Variants in MYH6 observed in about 807,000 individuals in gnomAD.
MYH6 encodes the protein myosin-6.
A neutral mutation model predicts 223.2 loss-of-function variants in MYH6; 126 were observed. The ratio of observed to expected loss-of-function variants is 0.56; its 90% CI spans 0.49 to 0.65. The LOEUF (loss-of-function observed/expected upper bound fraction) is 0.65, where lower values mean the gene tolerates loss of function less well. Among genes scored for constraint, MYH6 ranks in the 30% least tolerant of loss-of-function variants. MYH6 has a pLI of 0.00. For synonymous variants in MYH6, 978 were observed against 1,010.2 expected, an observed-to-expected ratio of 0.97 and a Z score of 0.61; for missense variants, 2,040 against 2,536.4, an observed-to-expected ratio of 0.80 and a Z score of 4.20.
intron 3 of MYH6, among the ~76,000 whole-genome samples, chr14:23,406,383 G>C (rs1209977765): frequency 6.6e-6 from 1 of 152,196 alleles, no homozygotes; most frequent in South Asian, 2.1e-4. Context: ...GTGACTAGCG[G>C]GTGGCAGAGC....
chr14:23,383,341 G>GGGCCGCCCCCCCCCC, intron 36 of MYH6, 21 bp from the exon 37 acceptor site: 1 of 556,582 alleles, frequency 1.8e-6, no homozygotes, highest in Non-Finnish European at 3.3e-6. Context: ...GAGGGTGGGA[G>GGGCCGCCCCCCCCCC]AAGCTGGTTT....
In MYH6 at chr14:23,405,692, T is replaced by C; in HGVS notation, c.280A>G (p.Thr94Ala). ...FDKIEDMAMLTFLHEPAVLFN... is the reference protein window; with the variant it reads ...FDKIEDMAMLAFLHEPAVLFN... ...AGCACCGCGGGCTCGTGCAGGAAGG[T>C]CAGCATGGCCATGTCCTCAATCTTG... The change falls in exon 4 of 39, where the codon ACC becomes GCC. Residue 94 changes from threonine (T) to alanine (A), a missense_variant. Physicochemically the swap from Thr to Ala is moderately conservative, Grantham distance 58. Coordinates refer to ENST00000405093, the MANE Select transcript of MYH6 (RefSeq NM_002471.4). This position sits in a 1 kb window ranked among gnomAD's most constrained non-coding sequence, Gnocchi z 4.7. 1 of 1,614,062 alleles carries C rather than the reference T, an allele frequency of 6.2e-7. No individual in the cohort carries two copies. The highest frequency in any genetic ancestry group is 8.5e-7 in the Non-Finnish European group (1 of 1,179,992).
rs527824020 is a variant in MYH6 at position 23,394,336 on chromosome 14, C to T, written c.2430-13G>A. The T allele has an allele frequency of 1.7e-5, 27 of 1,614,130 alleles. No individual in the cohort carries two copies. Among genetic ancestry groups the T allele is most frequent in the African/African-American group, 2.7e-5 (2 of 75,048 alleles). ...CAGCAGGGCATCCCTGGCAAGGAAA[C>T]GTGGAGGCAGGGTGGGGCACTATAA... On this transcript the variant is annotated splice_polypyrimidine_tract_variant and intron_variant, in intron 20 of 38. Transcript: ENST00000405093.
At chr14:23,392,857 T>C (rs1471275745) in intron 24 of MYH6, 55 bp downstream of exon 24, 7 of 1,608,526 alleles carry the variant, frequency 4.4e-6, no homozygotes, top group African/African-American at 1.3e-5. Flanking sequence ...CCCTGCACTC[T>C]ATCTACCAGG....
At chr14:23,384,818 A>G in intron 35 of MYH6, 98 bp downstream of exon 35, 1 of 1,613,280 alleles carries the variant, frequency 6.2e-7, no homozygotes, top group South Asian at 1.1e-5. Flanking sequence ...AATCCACAGA[A>G]CTGCAGAGTT....
chr14:23,394,368 G>C, intron 20 of MYH6, 45 bp from the exon 21 acceptor site: 2 of 1,612,406 alleles, frequency 1.2e-6, no homozygotes, highest in Non-Finnish European at 1.7e-6. Context: ...ATAAAAGAGA[G>C]CTTCCCAATC....
chr14:23,400,291 T>C lies in MYH6; in HGVS notation c.1546A>G (p.Met516Val), dbSNP rs1437641740. The C allele has an allele frequency of 6.2e-7, 1 of 1,614,204 alleles. No homozygotes were observed. Among genetic ancestry groups the C allele is most frequent in the South Asian group, 1.1e-5 (1 of 91,082 alleles). The change falls in exon 14 of 39, where the codon ATG (methionine) becomes GTG (valine). Residue 516 changes from methionine to valine, a missense_variant. Physicochemically the swap from Met to Val is conservative, Grantham distance 21. This residue lies in a region of MYH6 where 649 missense variants were observed against 877.3 expected (regional missense o/e 0.74). Coordinates refer to ENST00000405093, the MANE Select transcript of MYH6 (RefSeq NM_002471.4). ...GIEWTFIDFG[M>V]DLQACIDLIE... ...AGGTCAATGCAGGCCTGCAGGTCCA[T>C]GCCAAAGTCAATGAATGTCCACTCA... is the stretch of plus-strand genomic sequence containing the variant.
rs772822133 is a variant in MYH6, at chr14:23,398,858, C to T, written c.1761G>A (p.Val587=). 18 of 1,614,044 alleles carry T rather than the reference C, an allele frequency of 1.1e-5. No homozygotes were observed. The highest frequency in any genetic ancestry group is 1.5e-5 in the Non-Finnish European group (18 of 1,180,038). The change falls in exon 15 of 39, where the codon GTG becomes GTA. Residue 587 remains valine (V), a synonymous_variant. Transcript: ENST00000405093. ...CCAGCCAGCCCAGGATGTTGTAGTCCACAGTGCCGGCGTAGTGGATCAGGG... is the reference window on the plus strand; with the variant it reads ...CCAGCCAGCCCAGGATGTTGTAGTCTACAGTGCCGGCGTAGTGGATCAGGG... The part of the protein sequence containing the change: ...HFSLIHYAGT[V]DYNILGWLEK...
In MYH6 at chr14:23,389,500, G is replaced by C; in HGVS notation, c.3871C>G (p.Arg1291Gly). 6.2e-7 allele frequency: 1 copy of C among 1,614,156 alleles called. No individual in the cohort carries two copies. Among genetic ancestry groups the C allele is most frequent in the South Asian group, 1.1e-5 (1 of 91,080 alleles). ...KLQTENGELA[R>G]QLEEKEALIS... ...AGCGCCTCCTTTTCCTCTAGCTGCC[G>C]GGCCAACTCTCCTGGAGGTGAAATG... Residue 1291 changes from arginine (R) to glycine (G), a missense_variant, in exon 28 of 39, where the codon CGG (arginine) becomes GGG (glycine). Transcript: ENST00000405093.
chr14:23,398,089 C>T (rs966170833), intron 15 of MYH6, among the ~76,000 whole-genome samples: 2 of 151,414 alleles, frequency 1.3e-5, no homozygotes, highest in Admixed American at 1.3e-4. Context: ...GCAATCTTGG[C>T]TCACTGCAAC....
rs200884672 is a variant in MYH6, at chr14:23,386,089, C to T, written c.5002G>A (p.Asp1668Asn). Residue 1668 changes from aspartate to asparagine, a missense_variant, in exon 34 of 39, where the codon GAC becomes AAC. Around this residue, in one of 4 missense-constraint regions of MYH6, gnomAD observed 1,203 missense variants for 1,400.2 expected, o/e 0.86. Transcript: ENST00000405093. ...ACGATGGCGATGTTCTCCTTCAGGT[C>T]GTCGTTGGCACGGACCGCATCGTCC... The part of the protein sequence containing the change: ...QLDDAVRAND[D>N]LKENIAIVER... 43 of 1,614,232 alleles carry T rather than the reference C, an allele frequency of 2.7e-5. No homozygotes were observed. The highest frequency in any genetic ancestry group is 1.6e-4 in the Middle Eastern group (1 of 6,062).
In MYH6 at chr14:23,389,700, G is replaced by A. The variant is rs1406827484; in HGVS notation, c.3752C>T (p.Ser1251Phe). 6.2e-7 allele frequency: 1 copy of A among 1,614,198 alleles called. No homozygotes were observed. The highest frequency in any genetic ancestry group is 2.2e-5 in the East Asian group (1 of 44,878). ...ATTGGCCTGGTCCTCCAGCGTCCGA[G>A]ACACTTTCTCCAGGTTTGCCTTCAG... ...IKAKANLEKV[S>F]RTLEDQANEY... is the part of the protein sequence containing the mutation. The change falls in exon 27 of 39, where the codon TCT becomes TTT. Residue 1251 changes from serine to phenylalanine, a missense_variant. Physicochemically the swap from Ser to Phe is radical, Grantham distance 155. Transcript: ENST00000405093.
intron 12 of MYH6, 40 bp from the exon 13 acceptor site, chr14:23,401,017 T>A: frequency 1.2e-6 from 2 of 1,604,288 alleles, no homozygotes; most frequent in Non-Finnish European, 1.7e-6. Context: ...CTTCCTTTTT[T>A]TTTTTTTAAG....
intron 26 of MYH6, 120 bp from the exon 27 acceptor site, chr14:23,389,839 G>A (rs945423836): frequency 4.5e-6 from 7 of 1,560,714 alleles, no homozygotes; most frequent in Non-Finnish European, 6.2e-6. Context: ...AGGTGTGGGA[G>A]GGCGCAGTCT....
chr14:23,393,202 C>CT, intron 23 of MYH6, 140 bp downstream of exon 23: 1 of 1,455,144 alleles, frequency 6.9e-7, no homozygotes, highest in South Asian at 1.2e-5. Context: ...ATTCAGAGAC[C>CT]TACTGTAGTG....
rs1891751838 is a variant in MYH6 at position 23,405,352 on chromosome 14, C to G, written c.373G>C (p.Val125Leu). ...YTYSGLFCVT[V>L]NPYKWLPVYN... Reference sequence around the variant, plus strand: ...ACCGGCAGCCACTTGTAGGGGTTGACAGTGACACAGAAGAGGCCCGAGTAG... The same window carrying G: ...ACCGGCAGCCACTTGTAGGGGTTGAGAGTGACACAGAAGAGGCCCGAGTAG... The change falls in exon 5 of 39, where the codon GTC becomes CTC. Residue 125 changes from valine to leucine, a missense_variant. Physicochemically the swap from Val to Leu is conservative, Grantham distance 32. This residue lies in a region of MYH6 where 184 missense variants were observed against 232.4 expected (regional missense o/e 0.79). Transcript: ENST00000405093. The surrounding 1 kb of genome is among the most constrained non-coding windows in gnomAD (Gnocchi z 4.7). 4 of 1,614,146 alleles carry G rather than the reference C, an allele frequency of 2.5e-6. No individual in the cohort carries two copies. Among genetic ancestry groups the G allele is most frequent in the Non-Finnish European group, 3.4e-6 (4 of 1,180,008 alleles).
At position 23,390,032 on chromosome 14, in the gene MYH6, C is replaced by A. The variant is rs773629240; in HGVS notation, c.3732+25G>T. 1.9e-6 allele frequency: 3 copies of A among 1,613,352 alleles called. No individual in the cohort carries two copies. The African/African-American group carries it at 4.0e-5, about 22-fold the overall frequency. On this transcript the variant is annotated intron_variant, in intron 26 of 38. Transcript: ENST00000405093. ...AGGCTCCGCTGTGCAGGGGAGAGGG[C>A]GAGGGGAGGCCGAGCAGAGCCTGCC...
In MYH6 at chr14:23,405,224, T is replaced by A. The variant is rs1595064437; in HGVS notation, c.501A>T (p.Thr167=). The change falls in exon 5 of 39, where the codon ACA becomes ACT. Residue 167 remains threonine, a splice_region_variant and synonymous_variant. Coordinates refer to ENST00000405093, the MANE Select transcript of MYH6 (RefSeq NM_002471.4). This position sits in a 1 kb window ranked among gnomAD's most constrained non-coding sequence, Gnocchi z 4.7. ...ISDNAYQYML[T]DRENQSILIT... ...GAGACCAGGGGCCACCAGGCTCACCTGTCAGCATGTACTGATAGGCGTTGT... is the reference window on the plus strand; with the variant it reads ...GAGACCAGGGGCCACCAGGCTCACCAGTCAGCATGTACTGATAGGCGTTGT... The A allele has an allele frequency of 6.2e-7, 1 of 1,614,082 alleles. No individual in the cohort carries two copies. The highest frequency in any genetic ancestry group is 2.2e-5 in the East Asian group (1 of 44,882).
At chr14:23,402,842 G>T in intron 10 of MYH6, 42 bp from the exon 11 acceptor site, 1 of 1,499,604 alleles carries the variant, frequency 6.7e-7, no homozygotes, top group Non-Finnish European at 9.2e-7. Flanking sequence ...GGGGGCAGGC[G>T]GAGGGCAGGG....
Sources: gnomAD v4.1 joint callset for allele counts (sites outside exome capture counted in the v4.1 genomes callset) on GRCh38, gnomAD v4.1.1 for gene constraint, gnomAD v4.1.1 regional missense constraint, Gnocchi (gnomAD v3.1) non-coding constraint, MANE v1.5 for transcripts, NCBI Gene and HGNC (gene_info 2026-07-23, HGNC 2026-07-21) for gene names.